The following DLGAP1 variants were observed in gnomAD, a reference collection of about 807,000 sequenced individuals.
DLGAP1 encodes disks large-associated protein 1.
In DLGAP1, 11 loss-of-function variants were observed where a neutral mutation model predicts 90.8. The ratio of observed to expected loss-of-function variants is 0.12; its 90% CI spans 0.08 to 0.20. The LOEUF (loss-of-function observed/expected upper bound fraction) is 0.20. Ranked by LOEUF, DLGAP1 falls within the 10% of genes least tolerant of loss-of-function variation. DLGAP1 has a pLI of 1.00. For missense variants in DLGAP1, 1,050 were observed against 1,333.8 expected (o/e 0.79, Z 3.31); for synonymous variants, 558 against 540.7 (o/e 1.03, Z -0.44).
chr18:3,748,735 C>T (rs912598711), intron 5 of DLGAP1, among the ~76,000 whole-genome samples: 1 of 152,138 alleles, frequency 6.6e-6, no homozygotes, highest in African/African-American at 2.4e-5. Flanking sequence ...ATCCCTTGGG[C>T]TTTGGTGTGG....
intron 2 of DLGAP1, among the ~76,000 whole-genome samples, chr18:4,059,914 G>C (rs2075276293): frequency 6.6e-6 from 1 of 152,270 alleles, no homozygotes; most frequent in South Asian, 2.1e-4. Context: ...TGCTTTAGAA[G>C]TTGTCCGGCC....
chr18:3,813,840 A>T (rs1016242126), intron 5 of DLGAP1, among the ~76,000 whole-genome samples: 1 of 151,886 alleles, frequency 6.6e-6, no homozygotes, highest in Non-Finnish European at 1.5e-5. Context: ...CTTCTTAGAG[A>T]TGAGGGGTTC....
rs148443201 is a variant in DLGAP1, at chr18:3,863,126, C to T, written c.957+15986G>A. ...AAACATGGTTACTGACCACTAGAAA[C>T]GTAGCTACGGTGACTGAGAAACTGG... On this transcript the variant is annotated intron_variant, in intron 4 of 12. Transcript: ENST00000315677. 6.0e-3 allele frequency among the ~76,000 whole-genome samples: 919 copies of T among 152,358 alleles called. 7 individuals are homozygous for T. Among genetic ancestry groups the T allele is most frequent in the African/African-American group, 0.021 (876 of 41,586 alleles).
chr18:3,823,894 G>A (rs545078158), intron 4 of DLGAP1, among the ~76,000 whole-genome samples: 96 of 127,646 alleles, frequency 7.5e-4, no homozygotes, highest in African/African-American at 2.9e-3. Context: ...AGGTTGCAAT[G>A]AGCCAAGATG....
At chr18:3,609,849 G>C (rs1271737698) in intron 7 of DLGAP1, among the ~76,000 whole-genome samples, 1 of 151,398 alleles carries the variant, frequency 6.6e-6, no homozygotes, top group Non-Finnish European at 1.5e-5. Context: ...TTTGAGGTCA[G>C]AAGTTCAAGA....
At chr18:4,347,185 C>T (rs551732443) in intron 1 of DLGAP1, among the ~76,000 whole-genome samples, 80 of 152,046 alleles carry the variant, frequency 5.3e-4, no homozygotes, top group Non-Finnish European at 9.3e-4. Flanking sequence ...AATTTCCATA[C>T]AAGAAATAGA....
chr18:3,837,393 T>C (rs1181516303), intron 4 of DLGAP1, among the ~76,000 whole-genome samples: 1 of 152,220 alleles, frequency 6.6e-6, no homozygotes, highest in African/African-American at 2.4e-5. Flanking sequence ...CAGCTGTAAA[T>C]ATATTAATTT....
intron 1 of DLGAP1, among the ~76,000 whole-genome samples, chr18:4,428,826 A>G (rs955278409): frequency 1.3e-5 from 2 of 152,184 alleles, no homozygotes; most frequent in African/African-American, 4.8e-5. Flanking sequence ...CACTGCTTCT[A>G]TTTGTTTCAG....
At chr18:4,083,515 T>C (rs188516697) in intron 2 of DLGAP1, among the ~76,000 whole-genome samples, 24 of 152,362 alleles carry the variant, frequency 1.6e-4, no homozygotes, top group Non-Finnish European at 3.1e-4. Flanking sequence ...TTTCTACTGA[T>C]ATCTATCAAC....
intron 4 of DLGAP1, among the ~76,000 whole-genome samples, chr18:3,838,426 A>G (rs560671909): frequency 4.1e-4 from 63 of 152,320 alleles, no homozygotes; most frequent in African/African-American, 1.5e-3. Flanking sequence ...TATCTCTGAT[A>G]GTGCCTGGCA....
At chr18:4,348,399 A>AAT (rs1555603887) in intron 1 of DLGAP1, among the ~76,000 whole-genome samples, 3 of 70,324 alleles carry the variant, frequency 4.3e-5, no homozygotes, top group African/African-American at 3.1e-4. Context: ...TGAACTCAGG[A>AAT]ATGTGTGTGT....
intron 7 of DLGAP1, among the ~76,000 whole-genome samples, chr18:3,728,629 C>T (rs1487090631): frequency 6.6e-6 from 1 of 152,124 alleles, no homozygotes; most frequent in African/African-American, 2.4e-5. Flanking sequence ...AAATGTGCGA[C>T]CAATATTACT....
intron 2 of DLGAP1, among the ~76,000 whole-genome samples, chr18:4,025,978 G>T (rs887476635): frequency 1.3e-4 from 20 of 152,134 alleles, no homozygotes; most frequent in Non-Finnish European, 2.5e-4. Flanking sequence ...ATCAGAATCT[G>T]TTTTCTCTTC....
At chr18:4,386,179 T>G (rs937308651) in intron 1 of DLGAP1, among the ~76,000 whole-genome samples, 4 of 152,156 alleles carry the variant, frequency 2.6e-5, no homozygotes, top group Admixed American at 6.6e-5. Flanking sequence ...CTAATATAGC[T>G]AAATTTATCC....
chr18:3,532,649 A>G (rs2052089042), intron 10 of DLGAP1, among the ~76,000 whole-genome samples: 1 of 152,184 alleles, frequency 6.6e-6, no homozygotes, highest in African/African-American at 2.4e-5. Context: ...AAACAAGTCT[A>G]AAAAGTTACT....
chr18:3,796,026 G>A (rs2065974703), intron 5 of DLGAP1, among the ~76,000 whole-genome samples: 2 of 152,232 alleles, frequency 1.3e-5, no homozygotes, highest in South Asian at 4.1e-4. Flanking sequence ...AAGGAGTTAA[G>A]GACCAACATC....
At chr18:3,917,488 G>A (rs2072172149) in intron 3 of DLGAP1, among the ~76,000 whole-genome samples, 1 of 152,122 alleles carries the variant, frequency 6.6e-6, no homozygotes, top group African/African-American at 2.4e-5. Flanking sequence ...ATTTCTGGAG[G>A]AGTCAGCTAC....
chr18:4,203,799 C>T (rs764534476), intron 1 of DLGAP1, among the ~76,000 whole-genome samples: 8 of 152,160 alleles, frequency 5.3e-5, no homozygotes, highest in Non-Finnish European at 8.8e-5. Context: ...ATATACACAT[C>T]TAATTACAGC....
intron 1 of DLGAP1, among the ~76,000 whole-genome samples, chr18:4,414,753 T>G (rs1266316067): frequency 6.6e-6 from 1 of 150,978 alleles, no homozygotes; most frequent in Non-Finnish European, 1.5e-5. Flanking sequence ...TGATAAGTAA[T>G]GTAGTAATAT....
Sources: allele counts gnomAD v4.1 joint callset (sites outside exome capture counted in the v4.1 genomes callset), GRCh38; gene constraint gnomAD v4.1.1; transcripts MANE v1.5; gene names NCBI Gene and HGNC (gene_info 2026-07-23, HGNC 2026-07-21).